Variants in ADGRE2 observed in about 807,000 individuals in gnomAD.
The protein encoded by ADGRE2 is adhesion G protein-coupled receptor E2.
Under a neutral mutation model 100.8 loss-of-function variants are expected in ADGRE2, and 83 were observed. The ratio of observed to expected loss-of-function variants is 0.82; its 90% confidence interval spans 0.69 to 0.99. ADGRE2 has a LOEUF of 0.99. Ranked by LOEUF, ADGRE2 falls within the 50% of genes least tolerant of loss-of-function variation. ADGRE2 has a pLI of 0.00. For synonymous variants in ADGRE2, 355 were observed against 413.0 expected (o/e 0.86, Z 1.70); for missense variants, 814 against 1,035.7 (o/e 0.79, Z 2.94).
downstream of ADGRE2, chr19:14,731,233 C>A (rs1568568363): frequency 6.6e-7 from 1 of 1,516,386 alleles, no homozygotes; most frequent in Admixed American, 2.0e-5. Flanking sequence ...GTTCAGATCG[C>A]TAGAATCCAA....
chr19:14,742,920 C>A (rs531105243), intron 20 of ADGRE2, among the ~76,000 whole-genome samples: 1 of 148,800 alleles, frequency 6.7e-6, no homozygotes, highest in East Asian at 1.9e-4. Context: ...GGAGTAAGAG[C>A]CAAGGATTTT....
chr19:14,769,642 A>C (rs1456826746), intron 5 of ADGRE2, among the ~76,000 whole-genome samples: 1 of 151,986 alleles, frequency 6.6e-6, no homozygotes, highest in South Asian at 2.1e-4. Flanking sequence ...CTATCCACCA[A>C]CTAAGCCCCC....
At chr19:14,763,127 G>T (rs2043788816) in intron 11 of ADGRE2, among the ~76,000 whole-genome samples, 1 of 152,036 alleles carries the variant, frequency 6.6e-6, no homozygotes, top group Non-Finnish European at 1.5e-5. Flanking sequence ...TATGCACAAG[G>T]TCAGGAGATC....
At chr19:14,773,099 C>CAAAAAAAAAAAAAAAAAAAA (rs1231448957) in intron 4 of ADGRE2, among the ~76,000 whole-genome samples, 1 of 72,092 alleles carries the variant, frequency 1.4e-5, no homozygotes, top group South Asian at 4.4e-4. Flanking sequence ...AAAAAAAAAA[C>CAAAAAAAAAAAAAAAAAAAA]AAAAAAAAAA....
chr19:14,731,857 A>G (rs1174767408), downstream of ADGRE2: 1 of 152,228 alleles, frequency 6.6e-6, no homozygotes, highest in East Asian at 1.9e-4. Context: ...AATGGACTTA[A>G]TAAATTTAAA....
At chr19:14,749,738 C>T (rs12983246) in intron 16 of ADGRE2, among the ~76,000 whole-genome samples, 10,493 of 72,830 alleles carry the variant, frequency 0.14, 2,044 homozygotes, top group African/African-American at 0.3. Flanking sequence ...TGTAATTATT[C>T]ATAGTTACAT....
rs1431677511 is a variant in ADGRE2 at position 14,776,912 on chromosome 19, G to C, written c.-156C>G. The C allele has an allele frequency of 1.3e-6, 2 of 1,484,962 alleles. No homozygotes were observed. The highest frequency in any genetic ancestry group is 5.0e-5 in the Admixed American group (2 of 40,062). The allele number at this position is 1,484,962 out of a possible 1,614,324, so 92.0% of individuals were successfully genotyped here. The stretch of plus-strand genomic sequence containing the variant: ...CAGCCGCTGGCCCAGGGCCCTCCCC[G>C]GAACTGGCGGTGCAGCTGGAAGCCA... On this transcript the variant is annotated 5_prime_UTR_variant, in exon 2 of 21. Coordinates refer to ENST00000315576, the MANE Select transcript of ADGRE2 (RefSeq NM_013447.4).
intron 11 of ADGRE2, 89 bp downstream of exon 11, chr19:14,764,343 AG>A (rs1229695924): frequency 1.8e-6 from 2 of 1,142,576 alleles, no homozygotes; most frequent in African/African-American, 3.0e-5. Flanking sequence ...ACTGATATAC[AG>A]GTGTGGTCAC....
In ADGRE2 at chr19:14,759,488, C is replaced by CATATAT. The variant is rs147074153; in HGVS notation, c.1085-3149_1085-3144dup. On this transcript the variant is annotated intron_variant, in intron 11 of 20. Transcript: ENST00000315576. Reference sequence around the variant, plus strand: ...AGTTAGACAAAAAGTATAAGTTATACATATATATATATATATTTTTTTTTT... The same window carrying CATATAT: ...AGTTAGACAAAAAGTATAAGTTATACATATATATATATATATATATATTTTTTTTTT... Among the ~76,000 whole-genome samples the CATATAT allele has an allele frequency of 6.0e-3, 807 of 133,574 alleles. 19 individuals are homozygous for CATATAT. Among genetic ancestry groups the CATATAT allele is most frequent in the Middle Eastern group, 0.015 (4 of 274 alleles). The allele number at this position is 133,574 out of a possible 152,430, so 87.6% of individuals were successfully genotyped here.
At position 14,741,934 on chromosome 19, in the gene ADGRE2, G is replaced by T. The variant is rs1357163070; in HGVS notation, c.2463+1486C>A. On this transcript the variant is annotated intron_variant, in intron 20 of 20. Transcript: ENST00000315576. ...TGTATGTCTACATTAATAAATGTTG[G>T]TTATTAGTCATCAATGTCATGAATT... 3.8e-4 allele frequency: 151 copies of T among 398,274 alleles called. 2 individuals are homozygous for T. Among genetic ancestry groups the T allele is most frequent in the Non-Finnish European group, 3.1e-5 (7 of 225,990 alleles). 24.7% of individuals were successfully genotyped at this position (398,274 alleles called of 1,614,324 possible).
chr19:14,729,217 G>A (rs1174718412), downstream of ADGRE2, among the ~76,000 whole-genome samples: 3 of 152,098 alleles, frequency 2.0e-5, no homozygotes, highest in African/African-American at 2.4e-5. Context: ...CTACAGTCAG[G>A]GTTTCTCAAC....
At chr19:14,747,099 G>C (rs2043118031) in intron 16 of ADGRE2, 137 bp from the exon 17 acceptor site, 6 of 781,694 alleles carry the variant, frequency 7.7e-6, no homozygotes, top group Non-Finnish European at 1.3e-5. Flanking sequence ...TTAGTGATAG[G>C]GTCTGTGGTT....
chr19:14,746,162 C>A, intron 18 of ADGRE2, 70 bp downstream of exon 18: 1 of 915,276 alleles, frequency 1.1e-6, no homozygotes, highest in Admixed American at 2.2e-5. Context: ...TCAGTGGCTG[C>A]TGAGGCACAT....
chr19:14,748,341 G>T (rs1043598644), intron 16 of ADGRE2, among the ~76,000 whole-genome samples: 6 of 136,510 alleles, frequency 4.4e-5, no homozygotes, highest in South Asian at 2.4e-4. Flanking sequence ...ATGGAGTCTC[G>T]CTCTGTGGCC....
intron 9 of ADGRE2, 52 bp downstream of exon 9, chr19:14,765,472 A>G (rs1336376870): frequency 5.6e-6 from 9 of 1,612,492 alleles, no homozygotes; most frequent in Admixed American, 1.7e-5. Context: ...AGACGGATGC[A>G]GTGCTGTGTG....
At chr19:14,768,372 T>A (rs1158661368) in intron 5 of ADGRE2, among the ~76,000 whole-genome samples, 1 of 152,112 alleles carries the variant, frequency 6.6e-6, no homozygotes, top group African/African-American at 2.4e-5. Context: ...CAGGAAGGTG[T>A]CTTGGAAATG....
chr19:14,756,372 G>C (rs1233396342), intron 11 of ADGRE2, 27 bp from the exon 12 acceptor site: 2 of 1,557,930 alleles, frequency 1.3e-6, no homozygotes, highest in Admixed American at 1.7e-5. Flanking sequence ...TTACATAAGG[G>C]GGGTTAGGTT....
At chr19:14,747,364 G>C (rs1406222758) in intron 16 of ADGRE2, among the ~76,000 whole-genome samples, 1 of 152,074 alleles carries the variant, frequency 6.6e-6, no homozygotes, top group Non-Finnish European at 1.5e-5. Flanking sequence ...GCCGGGTGTG[G>C]TGGCTCACAC....
chr19:14,767,223 CCTTTT>C (rs879473589), intron 5 of ADGRE2, 114 bp from the exon 6 acceptor site: 2 of 1,523,204 alleles, frequency 1.3e-6, no homozygotes, highest in South Asian at 2.4e-5. Flanking sequence ...CTGTCTGCTC[CCTTTT>C]CTTTTCTTTC....
Sources: allele counts gnomAD v4.1 joint callset (sites outside exome capture counted in the v4.1 genomes callset), GRCh38; gene constraint gnomAD v4.1.1; transcripts MANE v1.5; gene names NCBI Gene and HGNC (gene_info 2026-07-23, HGNC 2026-07-21).